Variants in LINGO2 observed in about 807,000 individuals in gnomAD.
LINGO2 encodes the protein leucine rich repeat and Ig domain containing 2.
In LINGO2, 14 loss-of-function variants were observed where a neutral mutation model predicts 30.6. That is an observed-to-expected ratio of 0.46 (90% CI 0.30 to 0.72). The LOEUF (loss-of-function observed/expected upper bound fraction) is 0.72. Ranked by LOEUF, LINGO2 falls within the 30% of genes least tolerant of loss-of-function variation. LINGO2 has a pLI of 0.07. For synonymous variants in LINGO2, 317 were observed against 288.5 expected, an observed-to-expected ratio of 1.10 and a Z score of -1.00; for missense variants, 729 against 751.7, an observed-to-expected ratio of 0.97 and a Z score of 0.35.
chr9:28,784,105 T>A, the LINGO2 span, among the ~76,000 whole-genome samples: 1 of 152,218 alleles, frequency 6.6e-6, no homozygotes, highest in Non-Finnish European at 1.5e-5. Context: ...CATAATAATG[T>A]GAAATAAAAT....
chr9:27,993,985 A>T (rs1330799458), intron 5 of LINGO2, among the ~76,000 whole-genome samples: 5 of 152,126 alleles, frequency 3.3e-5, no homozygotes, highest in Admixed American at 6.6e-5. Flanking sequence ...AATAAAACTA[A>T]AAATAACGAG....
At chr9:28,881,780 C>T in the LINGO2 span, among the ~76,000 whole-genome samples, 6 of 152,288 alleles carry the variant, frequency 3.9e-5, no homozygotes, top group South Asian at 2.1e-4. Flanking sequence ...AGCTATTCTT[C>T]CTGATCTTCT....
At chr9:28,759,196 ATTGT>A in the LINGO2 span, among the ~76,000 whole-genome samples, 1 of 152,038 alleles carries the variant, frequency 6.6e-6, no homozygotes, top group Non-Finnish European at 1.5e-5. Context: ...ACTGTGATGG[ATTGT>A]TTATTTGAAT....
rs1414885218 is a variant in LINGO2, at chr9:28,329,344, A to G, written c.-245-33978T>C. On this transcript the variant is annotated intron_variant, in intron 3 of 5. Transcript: ENST00000379992. This position sits in a 1 kb window ranked among gnomAD's most constrained non-coding sequence, Gnocchi z 4.5. Reference sequence around the variant, plus strand: ...CCTGTATCTGACAAATACTCCCTTCAAAGCAGTACCTTCTGCCTGTTACTA... The same window carrying G: ...CCTGTATCTGACAAATACTCCCTTCGAAGCAGTACCTTCTGCCTGTTACTA... 1.3e-5 allele frequency among the ~76,000 whole-genome samples: 2 copies of G among 152,110 alleles called. No individual in the cohort carries two copies. Among genetic ancestry groups the G allele is most frequent in the African/African-American group, 4.8e-5 (2 of 41,416 alleles).
chr9:28,889,009 C>A, the LINGO2 span: 1 of 482,560 alleles, frequency 2.1e-6, no homozygotes, highest in East Asian at 6.1e-5. Flanking sequence ...CATATTTCCT[C>A]CATTTCAAGT....
chr9:28,939,126 C>T, the LINGO2 span, among the ~76,000 whole-genome samples: 541 of 152,144 alleles, frequency 3.6e-3, 4 homozygotes, highest in African/African-American at 0.012. Flanking sequence ...CAAGAATGAC[C>T]GTGGAGGTGA....
the LINGO2 span, among the ~76,000 whole-genome samples, chr9:28,927,368 T>C: frequency 6.6e-6 from 1 of 152,166 alleles, no homozygotes; most frequent in African/African-American, 2.4e-5. Flanking sequence ...CCCAATGAGC[T>C]CTAGAACTTT....
At chr9:28,592,320 A>T (rs1239162189) in intron 1 of LINGO2, among the ~76,000 whole-genome samples, 1 of 152,108 alleles carries the variant, frequency 6.6e-6, no homozygotes, top group East Asian at 1.9e-4. Flanking sequence ...TAACTGACAG[A>T]AAAGGCAATC....
At chr9:28,373,386 C>T (rs1820980540) in intron 2 of LINGO2, among the ~76,000 whole-genome samples, 1 of 152,228 alleles carries the variant, frequency 6.6e-6, no homozygotes, top group South Asian at 2.1e-4. Flanking sequence ...CCTTATGGAC[C>T]AAGTGATTAT....
the LINGO2 span, among the ~76,000 whole-genome samples, chr9:28,839,775 T>C: frequency 2.2e-4 from 33 of 152,206 alleles, no homozygotes; most frequent in African/African-American, 8.0e-4. Flanking sequence ...CTTTAGGCCA[T>C]CCCAGGCTTG....
At chr9:28,302,387 A>G (rs1358999510) in intron 3 of LINGO2, among the ~76,000 whole-genome samples, 1 of 152,126 alleles carries the variant, frequency 6.6e-6, no homozygotes, top group African/African-American at 2.4e-5. Context: ...GAGATATACA[A>G]CCCCTTTTAG....
intron 4 of LINGO2, among the ~76,000 whole-genome samples, chr9:28,243,884 A>G (rs980396092): frequency 6.6e-6 from 1 of 152,136 alleles, no homozygotes; most frequent in Non-Finnish European, 1.5e-5. Context: ...GTGAGAGACT[A>G]TAACACCCCA....
the LINGO2 span, among the ~76,000 whole-genome samples, chr9:29,172,797 T>C: frequency 2.0e-5 from 3 of 151,976 alleles, no homozygotes; most frequent in Non-Finnish European, 4.4e-5. Flanking sequence ...CCTGAACACA[T>C]GGACCATCCA....
chr9:28,784,189 G>T, the LINGO2 span, among the ~76,000 whole-genome samples: 1 of 152,290 alleles, frequency 6.6e-6, no homozygotes, highest in Admixed American at 6.5e-5. Flanking sequence ...CCAGTTTCTT[G>T]TAAGGAGAGA....
the LINGO2 span, among the ~76,000 whole-genome samples, chr9:28,932,371 T>C: frequency 1.3e-5 from 2 of 152,122 alleles, no homozygotes; most frequent in Non-Finnish European, 2.9e-5. Context: ...CTCTGTCCCT[T>C]GTCCATCTGA....
chr9:28,302,666 G>A (rs1021544914), intron 3 of LINGO2, among the ~76,000 whole-genome samples: 1 of 152,138 alleles, frequency 6.6e-6, no homozygotes, highest in African/African-American at 2.4e-5. Context: ...GTGAGAACCT[G>A]TCTCAAATAT....
intron 1 of LINGO2, among the ~76,000 whole-genome samples, chr9:28,552,369 T>C (rs1822337562): frequency 6.6e-6 from 1 of 152,100 alleles, no homozygotes; most frequent in African/African-American, 2.4e-5. Flanking sequence ...AAGTCTTAAA[T>C]ACTTTGTTGC....
In LINGO2 at chr9:28,030,302, C is replaced by T. The variant is rs796818514; in HGVS notation, c.-86-17897G>A. Among the ~76,000 whole-genome samples the T allele has an allele frequency of 5.3e-5, 8 of 152,284 alleles. No individual in the cohort carries two copies. In the East Asian group the frequency reaches 7.7e-4, roughly 15 times the overall value. On this transcript the variant is annotated intron_variant, in intron 4 of 5. Coordinates refer to ENST00000379992, the Ensembl canonical transcript of LINGO2. ...CTGAGATAGCAAAGTATAAAACCAA[C>T]TGTATATTTACTTTCATGTCAATAT...
At chr9:28,054,350 CTT>C (rs891495651) in intron 4 of LINGO2, among the ~76,000 whole-genome samples, 3 of 152,078 alleles carry the variant, frequency 2.0e-5, no homozygotes, top group Admixed American at 6.6e-5. Flanking sequence ...ATTTTTAACA[CTT>C]TTACTTAGAT....
Sources: gnomAD v4.1 joint callset for allele counts (sites outside exome capture counted in the v4.1 genomes callset) on GRCh38, gnomAD v4.1.1 for gene constraint, Gnocchi (gnomAD v3.1) non-coding constraint, MANE v1.5 for transcripts, NCBI Gene and HGNC (gene_info 2026-07-23, HGNC 2026-07-21) for gene names.